Variants in ANKLE2 observed in about 807,000 individuals in gnomAD.
ANKLE2 encodes the protein ankyrin repeat and LEM domain-containing protein 2.
ANKLE2 carries 55 observed loss-of-function variants against 84.2 expected under a neutral mutation model. That is an observed-to-expected ratio of 0.65 (90% CI 0.53 to 0.82). The LOEUF (loss-of-function observed/expected upper bound fraction) is 0.82, where lower values mean the gene tolerates loss of function less well. Ranked by LOEUF, ANKLE2 falls within the 40% of genes least tolerant of loss-of-function variation. ANKLE2 has a pLI of 0.00. For missense variants in ANKLE2, 1,238 were observed against 1,201.9 expected (o/e 1.03, Z -0.44); for synonymous variants, 551 against 486.1 (o/e 1.13, Z -1.76).
chr12:132,761,651 G>A lies in ANKLE2; in HGVS notation c.148C>T (p.Pro50Ser), dbSNP rs961456578. 1.9e-5 allele frequency: 24 copies of A among 1,285,236 alleles called. No homozygotes were observed. The highest frequency in any genetic ancestry group is 2.3e-5 in the South Asian group (1 of 42,618). The allele number at this position is 1,285,236 out of a possible 1,614,324, so 79.6% of individuals were successfully genotyped here. A position where few individuals can be genotyped will look rare whatever the true frequency, so the allele number is the denominator to read the frequency against. The change falls in exon 1 of 13, where the codon CCT becomes TCT. Residue 50 changes from proline to serine, a missense_variant. Pro to Ser is a moderately conservative substitution (Grantham distance 74). Transcript: ENST00000357997. Reference protein sequence around the residue: ...GGLGRSGTPVPPPSAAAAPAS... With the variant: ...GGLGRSGTPVSPPSAAAAPAS... ...GGGGCGGCGGCCGCGCTTGGCGGAG[G>A]AACTGGGGTCCCGCTGCGGCCCAGA...
chr12:132,752,069 G>A (rs984397117), intron 2 of ANKLE2, among the ~76,000 whole-genome samples: 36 of 152,094 alleles, frequency 2.4e-4, no homozygotes, highest in African/African-American at 7.7e-4. Flanking sequence ...GTTCGGGCAC[G>A]GTGGCTCACG....
chr12:132,761,580 G>A (rs2044626574), intron 1 of ANKLE2, 38 bp downstream of exon 1: 3 of 1,208,306 alleles, frequency 2.5e-6, no homozygotes, highest in African/African-American at 1.6e-5. Context: ...CGGGGAAGGG[G>A]CCAGGGTGCG....
intron 1 of ANKLE2, 83 bp from the exon 2 acceptor site, chr12:132,755,216 A>G (rs1385555743): frequency 2.4e-6 from 3 of 1,255,724 alleles, no homozygotes; most frequent in Non-Finnish European, 3.3e-6. Context: ...GGTTCATTAT[A>G]TAATGGCATC....
intron 1 of ANKLE2, chr12:132,760,292 A>G (rs7959269): frequency 0.24 from 36,374 of 152,158 alleles, 4,487 homozygotes; most frequent in Middle Eastern, 0.32. Flanking sequence ...GTCTTGCAAC[A>G]TGCTTCGGAC....
intron 5 of ANKLE2, among the ~76,000 whole-genome samples, chr12:132,744,439 AT>A (rs1044974552): frequency 6.6e-6 from 1 of 152,110 alleles, no homozygotes; most frequent in African/African-American, 2.4e-5. Flanking sequence ...AGAAAAACTC[AT>A]CATGGACCCT....
In ANKLE2 at chr12:132,728,106, G is replaced by A. The variant is rs766146675; in HGVS notation, c.2541C>T (p.Val847=). ...GCACGGCCGGGAACTGATGGGGGTCGACGTCTGCACATTCAAGAGCGGCCA... is the reference window on the plus strand; with the variant it reads ...GCACGGCCGGGAACTGATGGGGGTCAACGTCTGCACATTCAAGAGCGGCCA... ...DVLAALECAD[V]DPHQFPAVHR... Residue 847 remains valine, a synonymous_variant, in exon 12 of 13, where the codon GTC becomes GTT. Transcript: ENST00000357997. 8.1e-6 allele frequency: 13 copies of A among 1,612,970 alleles called. No individual in the cohort carries two copies. Among genetic ancestry groups the A allele is most frequent in the African/African-American group, 1.3e-5 (1 of 75,030 alleles).
chr12:132,758,796 C>G (rs1440525326), intron 1 of ANKLE2: 1 of 152,430 alleles, frequency 6.6e-6, no homozygotes, highest in Non-Finnish European at 1.5e-5. Flanking sequence ...GCTGGGATTA[C>G]AGGCATGAGC....
At chr12:132,742,330 G>C (rs2044142319) in intron 6 of ANKLE2, 1 of 156,984 alleles carries the variant, frequency 6.4e-6, no homozygotes, top group African/African-American at 2.4e-5. Context: ...ATGGCAAGTG[G>C]ATGTATAGCT....
At chr12:132,754,569 T>C (rs2044432989) in intron 2 of ANKLE2, 106 bp downstream of exon 2, 4 of 1,123,610 alleles carry the variant, frequency 3.6e-6, no homozygotes, top group Admixed American at 2.6e-5. Context: ...ATGGAGGGGA[T>C]TGGATTTTTT....
intron 7 of ANKLE2, 147 bp from the exon 8 acceptor site, chr12:132,737,212 C>A (rs766042073): frequency 3.2e-5 from 23 of 712,732 alleles, no homozygotes; most frequent in Non-Finnish European, 4.8e-5. Context: ...TCCGCCAGAG[C>A]TCACTGCACT....
At position 132,752,348 on chromosome 12, in the gene ANKLE2, G is replaced by GTAAA. The variant is rs200824607; in HGVS notation, c.641-1503_641-1500dup. Among the ~76,000 whole-genome samples, 749 of 152,028 alleles carry GTAAA rather than the reference G, an allele frequency of 4.9e-3. 6 individuals are homozygous for GTAAA. The highest frequency in any genetic ancestry group is 8.1e-3 in the South Asian group (39 of 4,816). ...ACCGGGACTCTGTCTCAAATAATAA[G>GTAAA]TAAATAAATAAATAAATAATAAAAA... On this transcript the variant is annotated intron_variant, in intron 2 of 12. Coordinates refer to ENST00000357997, the MANE Select transcript of ANKLE2 (RefSeq NM_015114.3).
rs73487123 is a variant in ANKLE2 at position 132,739,828 on chromosome 12, C to T, written c.1420+1591G>A. Among the ~76,000 whole-genome samples, 828 of 152,306 alleles carry T rather than the reference C, an allele frequency of 5.4e-3. 9 individuals are homozygous for T. The highest frequency in any genetic ancestry group is 0.019 in the African/African-American group (783 of 41,560). ...AGCGTGACCACAGATGCTGACCATGCCTGGGCTTCGCATGAGCCTCAGAAG... is the reference window on the plus strand; with the variant it reads ...AGCGTGACCACAGATGCTGACCATGTCTGGGCTTCGCATGAGCCTCAGAAG... On this transcript the variant is annotated intron_variant, in intron 7 of 12. Coordinates refer to ENST00000357997, the MANE Select transcript of ANKLE2 (RefSeq NM_015114.3).
intron 9 of ANKLE2, 99 bp from the exon 10 acceptor site, chr12:132,734,674 G>C: frequency 8.5e-7 from 1 of 1,177,874 alleles, no homozygotes; most frequent in Non-Finnish European, 1.2e-6. Flanking sequence ...CCAAAGCAAT[G>C]TCTGCAATCA....
Position 132,743,542 on chromosome 12 carries a change from T to A in ANKLE2, c.1231-266A>T, listed in dbSNP as rs2044174575. ...TTTTTAATATTTAGTAGAGATGGGG[T>A]TTCACCATATTGGTGAGACTGGTCT... On this transcript the variant is annotated intron_variant, in intron 5 of 12. Coordinates refer to ENST00000357997, the MANE Select transcript of ANKLE2 (RefSeq NM_015114.3). The surrounding 1 kb of genome is among the most constrained non-coding windows in gnomAD (Gnocchi z 4.1). Among the ~76,000 whole-genome samples the A allele has an allele frequency of 6.6e-6, 1 of 151,226 alleles. No individual in the cohort carries two copies. The highest frequency in any genetic ancestry group is 1.5e-5 in the Non-Finnish European group (1 of 67,802).
In ANKLE2 at chr12:132,750,817, C is replaced by T. The variant is rs1269329321; in HGVS notation, c.673G>A (p.Ala225Thr). Reference protein sequence around the residue: ...RIYVYENKKEALQAVKMIKGS... With the variant: ...RIYVYENKKETLQAVKMIKGS... Reference sequence around the variant, plus strand: ...TTGATCATCTTGACAGCTTGCAATGCTTCCTTTTTATTTTCATAAACATAG... The same window carrying T: ...TTGATCATCTTGACAGCTTGCAATGTTTCCTTTTTATTTTCATAAACATAG... Residue 225 changes from alanine to threonine, a missense_variant, in exon 3 of 13, where the codon GCA (alanine) becomes ACA (threonine). This residue lies in a region of ANKLE2 where 422 missense variants were observed against 394.5 expected (regional missense o/e 1.07). Transcript: ENST00000357997. 5 of 1,614,124 alleles carry T rather than the reference C, an allele frequency of 3.1e-6. No individual in the cohort carries two copies. The highest frequency in any genetic ancestry group is 4.2e-6 in the Non-Finnish European group (5 of 1,180,010).
rs61951315 is a variant in ANKLE2, at chr12:132,761,370, C to T, written c.181+248G>A. ...CCCGCCGCCTTCCCCGGAGGCTGCTCCAGGGCCCGGGAAAGCTCTCACCCC... is the reference window on the plus strand; with the variant it reads ...CCCGCCGCCTTCCCCGGAGGCTGCTTCAGGGCCCGGGAAAGCTCTCACCCC... On this transcript the variant is annotated intron_variant, in intron 1 of 12. Transcript: ENST00000357997. 4,713 of 322,890 alleles carry T rather than the reference C, an allele frequency of 0.015. 41 individuals are homozygous for T. Among genetic ancestry groups the T allele is most frequent in the Non-Finnish European group, 0.02 (3,581 of 178,768 alleles). The allele number at this position is 322,890 out of a possible 1,614,324, so 20.0% of individuals were successfully genotyped here.
chr12:132,727,917 C>T (rs564824503), intron 12 of ANKLE2, 115 bp downstream of exon 12: 28 of 1,397,050 alleles, frequency 2.0e-5, no homozygotes, highest in African/African-American at 4.4e-5. Flanking sequence ...GCCTGGCTGA[C>T]GGGCCTGCCA....
At chr12:132,727,545 G>T in intron 12 of ANKLE2, 102 bp from the exon 13 acceptor site, 1 of 1,337,668 alleles carries the variant, frequency 7.5e-7, no homozygotes. Context: ...CATGCGCCCG[G>T]GCGGAGGAGA....
Position 132,754,999 on chromosome 12 carries a change from A to AT in ANKLE2, c.315dup (p.Leu106IlefsTer19), listed in dbSNP as rs751712560. On this transcript the variant is annotated frameshift_variant, in exon 2 of 13. Transcript: ENST00000357997. LOFTEE classifies it high-confidence loss of function. Reference sequence around the variant, plus strand: ...CCTTGCTCCAGTAAAGCCTGAGCCAATTTTTTCTCAAAAATGAACCTTGTA... The same window carrying AT: ...CCTTGCTCCAGTAAAGCCTGAGCCAATTTTTTTCTCAAAAATGAACCTTGTA... The AT allele has an allele frequency of 1.9e-6, 3 of 1,614,008 alleles. No homozygotes were observed. Among genetic ancestry groups the AT allele is most frequent in the South Asian group, 1.1e-5 (1 of 91,082 alleles).
Sources: gnomAD v4.1 joint callset for allele counts (sites outside exome capture counted in the v4.1 genomes callset) on GRCh38, gnomAD v4.1.1 for gene constraint, gnomAD v4.1.1 regional missense constraint, Gnocchi (gnomAD v3.1) non-coding constraint, MANE v1.5 for transcripts, NCBI Gene and HGNC (gene_info 2026-07-23, HGNC 2026-07-21) for gene names.